SHANK2: variants seen among roughly 807,000 people sequenced by gnomAD.
The protein encoded by SHANK2 is SH3 and multiple ankyrin repeat domains protein 2.
A neutral mutation model predicts 133.7 loss-of-function variants in SHANK2; 43 were observed. That is an observed-to-expected ratio of 0.32 (90% CI 0.25 to 0.41). The LOEUF is 0.41. Ranked by LOEUF, SHANK2 falls within the 10% of genes least tolerant of loss-of-function variation. The pLI is 1.00. For synonymous variants in SHANK2, 1,017 were observed against 952.8 expected, an observed-to-expected ratio of 1.07 and a Z score of -1.24; for missense variants, 1,994 against 2,235.8, an observed-to-expected ratio of 0.89 and a Z score of 2.18.
rs141608669 is a variant in SHANK2, at chr11:70,648,942, G to A, written c.2061+10886C>T. Among the ~76,000 whole-genome samples the A allele has an allele frequency of 5.2e-3, 795 of 152,270 alleles. 5 individuals carry two copies. Among genetic ancestry groups the A allele is most frequent in the Non-Finnish European group, 6.4e-3 (434 of 68,020 alleles). On this transcript the variant is annotated intron_variant, in intron 17 of 25. Coordinates refer to ENST00000601538, the MANE Select transcript of SHANK2 (RefSeq NM_012309.5). Reference sequence around the variant, plus strand: ...GTGACTATGGCAGAGGGTTATGAGCGGGCATCACAGGCAACTTTCAGGGAG... The same window carrying A: ...GTGACTATGGCAGAGGGTTATGAGCAGGCATCACAGGCAACTTTCAGGGAG...
At chr11:70,806,261 G>T (rs1018096547) in intron 13 of SHANK2, among the ~76,000 whole-genome samples, 2 of 152,156 alleles carry the variant, frequency 1.3e-5, no homozygotes, top group African/African-American at 2.4e-5. Context: ...TGCTGGCCAC[G>T]TGTGCTAGGC....
intron 11 of SHANK2, among the ~76,000 whole-genome samples, chr11:70,868,586 G>C (rs572503770): frequency 6.6e-6 from 1 of 152,182 alleles, no homozygotes; most frequent in Non-Finnish European, 1.5e-5. Context: ...CAAGAAGGTG[G>C]GTTCCAGAGT....
At chr11:70,869,483 T>C (rs1555069744) in intron 11 of SHANK2, among the ~76,000 whole-genome samples, 1 of 152,244 alleles carries the variant, frequency 6.6e-6, no homozygotes, top group East Asian at 1.9e-4. Flanking sequence ...CAGCCTGTGC[T>C]GTAGGAGGCT....
At chr11:70,725,114 T>A (rs1946152653) in intron 14 of SHANK2, among the ~76,000 whole-genome samples, 1 of 152,182 alleles carries the variant, frequency 6.6e-6, no homozygotes, top group Non-Finnish European at 1.5e-5. Context: ...GGGAAAACAC[T>A]TAAGCTAAGG....
At chr11:70,668,199 C>G (rs1944716931) in intron 15 of SHANK2, 1 of 152,228 alleles carries the variant, frequency 6.6e-6, no homozygotes, top group African/African-American at 2.4e-5. Flanking sequence ...AGTGACGACA[C>G]TTGGAATTTG....
At position 70,696,033 on chromosome 11, in the gene SHANK2, C is replaced by T. The variant is rs542816512; in HGVS notation, c.1853+2655G>A. Among the ~76,000 whole-genome samples the T allele has an allele frequency of 1.1e-4, 16 of 152,302 alleles. No individual in the cohort carries two copies. The South Asian group carries it at 3.3e-3, about 32-fold the overall frequency. On this transcript the variant is annotated intron_variant, in intron 15 of 25. Coordinates refer to ENST00000601538, the MANE Select transcript of SHANK2 (RefSeq NM_012309.5). ...CCTGGCAGAACAGGTGTTCAGTACA[C>T]ATGTAAAACAAAAGCCCTTGACTGG...
chr11:71,121,432 G>A (rs1952082521), intron 3 of SHANK2, among the ~76,000 whole-genome samples: 1 of 152,206 alleles, frequency 6.6e-6, no homozygotes, highest in African/African-American at 2.4e-5. Flanking sequence ...TGCAATAACT[G>A]TGTCCTTAAA....
chr11:70,753,827 T>TGTGTGTGTGTGTGTGTGTGTGTGTGTGTG (rs1555038016), intron 14 of SHANK2, among the ~76,000 whole-genome samples: 12 of 151,674 alleles, frequency 7.9e-5, no homozygotes, highest in Admixed American at 1.3e-4. Context: ...TGTGTGTGTG[T>TGTGTGTGTGTGTGTGTGTGTGTGTGTGTG]TTGAGACAGA....
intron 15 of SHANK2, chr11:70,661,942 T>A: frequency 1.2e-6 from 1 of 828,898 alleles, no homozygotes; most frequent in Non-Finnish European, 2.0e-6. Flanking sequence ...GAAGGAGTCA[T>A]ACATGGTGGG....
At chr11:70,602,613 G>A (rs971411203) in intron 17 of SHANK2, among the ~76,000 whole-genome samples, 6 of 152,166 alleles carry the variant, frequency 3.9e-5, no homozygotes, top group South Asian at 4.2e-4. Flanking sequence ...TCTTCTTTTC[G>A]GTAATTATAC....
At position 70,661,500 on chromosome 11, in the gene SHANK2, TACACACACACACACACACACACACACAC is replaced by T. The variant is rs3837380; in HGVS notation, c.1936+68_1936+95del. 8.2e-4 allele frequency: 872 copies of T among 1,063,972 alleles called. 21 individuals carry two copies. The highest frequency in any genetic ancestry group is 4.7e-3 in the Middle Eastern group (21 of 4,426). 65.9% of individuals were successfully genotyped at this position (1,063,972 alleles called of 1,614,324 possible). On this transcript the variant is annotated intron_variant, in intron 16 of 25. Coordinates refer to ENST00000601538, the MANE Select transcript of SHANK2 (RefSeq NM_012309.5). ...GGGGAACGTTTTTCATGCAGGCGTATACACACACACACACACACACACACACACACACACACACACACACACACACACA... is the reference window on the plus strand; with the variant it reads ...GGGGAACGTTTTTCATGCAGGCGTATACACACACACACACACACACACACA...
intron 6 of SHANK2, among the ~76,000 whole-genome samples, chr11:71,108,676 G>C (rs1951838981): frequency 1.3e-5 from 2 of 152,198 alleles, no homozygotes; most frequent in African/African-American, 4.8e-5. Flanking sequence ...CGCAGGGCCT[G>C]GGGCTGCTCA....
At chr11:70,892,205 C>T (rs534670452) in intron 11 of SHANK2, among the ~76,000 whole-genome samples, 14 of 152,334 alleles carry the variant, frequency 9.2e-5, no homozygotes, top group East Asian at 3.9e-4. Flanking sequence ...CCACCCCATG[C>T]GGTCTTAAGC....
intron 14 of SHANK2, among the ~76,000 whole-genome samples, chr11:70,700,709 C>G (rs1247725840): frequency 6.6e-6 from 1 of 152,158 alleles, no homozygotes; most frequent in East Asian, 1.9e-4. Flanking sequence ...CAGCCAGGCC[C>G]GTGCCTCGAC....
At chr11:71,124,721 C>T (rs1952150329) in intron 3 of SHANK2, among the ~76,000 whole-genome samples, 1 of 152,136 alleles carries the variant, frequency 6.6e-6, no homozygotes, top group African/African-American at 2.4e-5. Flanking sequence ...ATGTTCCTCT[C>T]TATACACACC....
intron 10 of SHANK2, among the ~76,000 whole-genome samples, chr11:70,932,563 G>C (rs1242815564): frequency 6.6e-6 from 1 of 152,214 alleles, no homozygotes; most frequent in Non-Finnish European, 1.5e-5. Flanking sequence ...TCAGGCATCT[G>C]GGCCACACCT....
chr11:70,837,115 C>T (rs952470888), intron 11 of SHANK2, among the ~76,000 whole-genome samples: 4 of 152,342 alleles, frequency 2.6e-5, no homozygotes, highest in Non-Finnish European at 4.4e-5. Flanking sequence ...CTCAGAACTT[C>T]GAGAAAAATG....
intron 2 of SHANK2, among the ~76,000 whole-genome samples, chr11:71,198,692 G>A (rs1403556248): frequency 4.6e-5 from 7 of 152,158 alleles, no homozygotes; most frequent in African/African-American, 7.2e-5. Flanking sequence ...CAGTCCCACC[G>A]GGGTCCCCTC....
chr11:71,194,626 A>G (rs373199706), intron 2 of SHANK2, among the ~76,000 whole-genome samples: 1 of 152,350 alleles, frequency 6.6e-6, no homozygotes, highest in South Asian at 2.1e-4. Context: ...GGGACTGAGG[A>G]AATGGCCACA....
Sources: gnomAD v4.1 joint callset for allele counts (sites outside exome capture counted in the v4.1 genomes callset) on GRCh38, gnomAD v4.1.1 for gene constraint, MANE v1.5 for transcripts, NCBI Gene and HGNC (gene_info 2026-07-23, HGNC 2026-07-21) for gene names.